The following LHFPL3 variants were observed in gnomAD, a reference collection of about 807,000 sequenced individuals.
LHFPL3 encodes the protein LHFPL tetraspan subfamily member 3 protein.
A neutral mutation model predicts 19.3 loss-of-function variants in LHFPL3; 5 were observed. That is an observed-to-expected ratio of 0.26 (90% CI 0.14 to 0.54). LHFPL3 has a LOEUF of 0.54. Ranked by LOEUF, LHFPL3 falls within the 20% of genes least tolerant of loss-of-function variation. The pLI is 0.94. For synonymous variants in LHFPL3, 133 were observed against 126.2 expected (o/e 1.05, Z -0.36); for missense variants, 249 against 307.4 (o/e 0.81, Z 1.42).
chr7:104,738,411 A>G (rs1793869945), intron 2 of LHFPL3, among the ~76,000 whole-genome samples: 1 of 152,168 alleles, frequency 6.6e-6, no homozygotes, highest in South Asian at 2.1e-4. Flanking sequence ...AGAACAAGCT[A>G]TCTTTTTCAA....
At chr7:104,538,772 G>A (rs181925417) in intron 1 of LHFPL3, among the ~76,000 whole-genome samples, 3 of 152,342 alleles carry the variant, frequency 2.0e-5, no homozygotes, top group African/African-American at 7.2e-5. Context: ...CTATTCTTCA[G>A]AACCTGTGAA....
rs200157205 is a variant in LHFPL3, at chr7:104,823,336, C to T, written c.683-82851C>T. ...TATGTGACCCATGACAGCCACTTAA[C>T]TACTCCAGGCCTCAGTTTTTTCATC... On this transcript the variant is annotated intron_variant, in intron 2 of 2. Transcript: ENST00000424859. Among the ~76,000 whole-genome samples, 7 of 152,298 alleles carry T rather than the reference C, an allele frequency of 4.6e-5. No individual in the cohort carries two copies. The East Asian group carries it at 5.8e-4, about 13-fold the overall frequency.
chr7:104,587,119 A>G (rs1398062801), intron 1 of LHFPL3, among the ~76,000 whole-genome samples: 1 of 152,070 alleles, frequency 6.6e-6, no homozygotes, highest in Non-Finnish European at 1.5e-5. Context: ...TATTTTATGT[A>G]TTTATGTATT....
In LHFPL3 at chr7:104,399,255, G is replaced by A. The variant is rs1791260621; in HGVS notation, c.445+70031G>A. ...GGACAAGGCCCTGGTGCAGATTTAG[G>A]GTGCTAGAATAAGCATCTAGAATTA... On this transcript the variant is annotated intron_variant, in intron 1 of 2. Coordinates refer to ENST00000424859, the MANE Select transcript of LHFPL3 (RefSeq NM_199000.3). This position sits in a 1 kb window ranked among gnomAD's most constrained non-coding sequence, Gnocchi z 4.4. Among the ~76,000 whole-genome samples the A allele has an allele frequency of 6.6e-6, 1 of 151,986 alleles. No individual in the cohort carries two copies. Among genetic ancestry groups the A allele is most frequent in the Non-Finnish European group, 1.5e-5 (1 of 67,994 alleles).
chr7:104,527,968 G>A (rs1430259926), intron 1 of LHFPL3, among the ~76,000 whole-genome samples: 1 of 152,136 alleles, frequency 6.6e-6, no homozygotes, highest in Admixed American at 6.5e-5. Context: ...ACAAATCAAA[G>A]TTTATGCCTG....
intron 1 of LHFPL3, among the ~76,000 whole-genome samples, chr7:104,589,051 C>G (rs1010621101): frequency 7.9e-5 from 12 of 152,184 alleles, no homozygotes; most frequent in Non-Finnish European, 1.8e-4. Flanking sequence ...ATCATGTCAT[C>G]TGCAAACAGG....
intron 1 of LHFPL3, among the ~76,000 whole-genome samples, chr7:104,699,221 T>G (rs1162806150): frequency 6.6e-6 from 1 of 152,218 alleles, no homozygotes; most frequent in Non-Finnish European, 1.5e-5. Context: ...AGTAGGGACT[T>G]GAGCATCCAT....
intron 1 of LHFPL3, among the ~76,000 whole-genome samples, chr7:104,495,261 G>A (rs1229477944): frequency 1.3e-5 from 2 of 152,178 alleles, no homozygotes; most frequent in Admixed American, 6.5e-5. Context: ...ACGTTGGAGT[G>A]CAGTGGCTCA....
chr7:104,374,653 G>C (rs967046179), intron 1 of LHFPL3, among the ~76,000 whole-genome samples: 1 of 152,122 alleles, frequency 6.6e-6, no homozygotes, highest in Non-Finnish European at 1.5e-5. Flanking sequence ...GGGGTTGCCT[G>C]GGGTGTTAGA....
At chr7:104,760,560 A>T (rs1345005599) in intron 2 of LHFPL3, among the ~76,000 whole-genome samples, 1 of 152,172 alleles carries the variant, frequency 6.6e-6, no homozygotes, top group Non-Finnish European at 1.5e-5. Context: ...CTTTTGAAAA[A>T]TTCATATGGC....
Position 104,898,007 on chromosome 7 carries a change from T to C in LHFPL3, c.683-8180T>C, listed in dbSNP as rs889937651. Among the ~76,000 whole-genome samples, 50 of 49,246 alleles carry C rather than the reference T, an allele frequency of 1.0e-3. 1 individual carries two copies. The South Asian group carries it at 0.024, about 24-fold the overall frequency. The allele number at this position is 49,246 out of a possible 152,430, so 32.3% of individuals were successfully genotyped here. On this transcript the variant is annotated intron_variant, in intron 2 of 2. Transcript: ENST00000424859. ...TGCTGACAGAAAGAAATGTCACCCC[T>C]TTTTTTTTTTTTTTTTTTTTGATAC...
intron 1 of LHFPL3, among the ~76,000 whole-genome samples, chr7:104,579,768 CA>C (rs1463643463): frequency 5.3e-5 from 8 of 152,168 alleles, no homozygotes; most frequent in African/African-American, 1.9e-4. Flanking sequence ...TCAATCAATA[CA>C]GTAATTACTG....
At chr7:104,394,856 G>A (rs138554014) in intron 1 of LHFPL3, among the ~76,000 whole-genome samples, 117 of 151,818 alleles carry the variant, frequency 7.7e-4, no homozygotes, top group African/African-American at 2.6e-3. Flanking sequence ...ACCCACCACC[G>A]CGTCAGGATA....
intron 1 of LHFPL3, among the ~76,000 whole-genome samples, chr7:104,695,910 C>T (rs907268849): frequency 6.6e-6 from 1 of 152,158 alleles, no homozygotes; most frequent in East Asian, 1.9e-4. Context: ...TACCCTTTGT[C>T]AGATTATTTG....
chr7:104,666,512 C>CTT lies in LHFPL3; in HGVS notation c.446-70137_446-70136dup, dbSNP rs71155514. 1.4e-3 allele frequency among the ~76,000 whole-genome samples: 59 copies of CTT among 42,226 alleles called. 18 individuals carry two copies. Among genetic ancestry groups the CTT allele is most frequent in the South Asian group, 4.1e-3 (3 of 730 alleles). 27.7% of individuals were successfully genotyped at this position (42,226 alleles called of 152,430 possible). On this transcript the variant is annotated intron_variant, in intron 1 of 2. Transcript: ENST00000424859. Reference sequence around the variant, plus strand: ...TTGCTGAAAATGACAGGATTTCATTCTTTTTTTTTTTTTTTTTTTTTTTTT... The same window carrying CTT: ...TTGCTGAAAATGACAGGATTTCATTCTTTTTTTTTTTTTTTTTTTTTTTTTTT...
chr7:104,363,588 G>A (rs1192706537), intron 1 of LHFPL3, among the ~76,000 whole-genome samples: 1 of 152,236 alleles, frequency 6.6e-6, no homozygotes, highest in East Asian at 1.9e-4. Flanking sequence ...GCTGAGACAG[G>A]TGAGGTATCT....
At chr7:104,501,041 C>T (rs1263911258) in intron 1 of LHFPL3, among the ~76,000 whole-genome samples, 1 of 152,140 alleles carries the variant, frequency 6.6e-6, no homozygotes, top group Non-Finnish European at 1.5e-5. Flanking sequence ...TTGGTATTTA[C>T]CTCTTGCCTC....
At chr7:104,414,183 A>G (rs190920087) in intron 1 of LHFPL3, among the ~76,000 whole-genome samples, 27 of 152,286 alleles carry the variant, frequency 1.8e-4, no homozygotes, top group African/African-American at 6.5e-4. Context: ...TAGATGGAGA[A>G]TCAGAGTCAT....
chr7:104,428,512 G>A (rs1166986209), intron 1 of LHFPL3, among the ~76,000 whole-genome samples: 1 of 152,084 alleles, frequency 6.6e-6, no homozygotes, highest in African/African-American at 2.4e-5. Flanking sequence ...AATAGTAGCT[G>A]TCCTGGTTAT....
Sources: gnomAD v4.1 joint callset for allele counts (sites outside exome capture counted in the v4.1 genomes callset) on GRCh38, gnomAD v4.1.1 for gene constraint, Gnocchi (gnomAD v3.1) non-coding constraint, MANE v1.5 for transcripts, NCBI Gene and HGNC (gene_info 2026-07-23, HGNC 2026-07-21) for gene names.